Variants in SUSD1 observed in about 807,000 individuals in gnomAD.
SUSD1 encodes sushi domain containing 1.
SUSD1 carries 65 observed loss-of-function variants against 86.9 expected under a neutral mutation model. That is an observed-to-expected ratio of 0.75 (90% CI 0.61 to 0.92). SUSD1 has a LOEUF of 0.92. Among genes scored for constraint, SUSD1 ranks in the 40% least tolerant of loss-of-function variants. The pLI is 0.00. For missense variants in SUSD1, 850 were observed against 929.7 expected (o/e 0.91, Z 1.11); for synonymous variants, 346 against 350.0 (o/e 0.99, Z 0.13).
chr9:112,050,605 G>T (rs913986707), intron 15 of SUSD1, among the ~76,000 whole-genome samples: 1 of 152,164 alleles, frequency 6.6e-6, no homozygotes, highest in Non-Finnish European at 1.5e-5. Context: ...GCTCTGAGGC[G>T]GGGAGAGGAG....
chr9:112,092,056 G>T (rs1181690639), intron 10 of SUSD1, among the ~76,000 whole-genome samples: 2 of 152,150 alleles, frequency 1.3e-5, no homozygotes, highest in Non-Finnish European at 2.9e-5. Flanking sequence ...TTCAATTGGT[G>T]GCACAGAACA....
At chr9:112,121,016 G>C (rs77328544) in intron 6 of SUSD1, among the ~76,000 whole-genome samples, 5,013 of 152,276 alleles carry the variant, frequency 0.033, 298 homozygotes, top group African/African-American at 0.12. Context: ...AACTCTTGGA[G>C]ATGCTTTTGC....
At chr9:112,133,202 G>T (rs1293194288) in intron 5 of SUSD1, among the ~76,000 whole-genome samples, 1 of 152,172 alleles carries the variant, frequency 6.6e-6, no homozygotes, top group Non-Finnish European at 1.5e-5. Flanking sequence ...TTAAGCCCAA[G>T]AATTTGAGGC....
intron 14 of SUSD1, among the ~76,000 whole-genome samples, chr9:112,057,853 G>A (rs1356780497): frequency 6.6e-6 from 1 of 152,098 alleles, no homozygotes; most frequent in Non-Finnish European, 1.5e-5. Flanking sequence ...CCATCACAAT[G>A]GTTCTTCCAG....
chr9:112,047,659 G>C (rs932452064), intron 15 of SUSD1, among the ~76,000 whole-genome samples: 2 of 152,172 alleles, frequency 1.3e-5, no homozygotes, highest in African/African-American at 4.8e-5. Context: ...CCCTCTCTCA[G>C]AGGTGAGTGA....
intron 1 of SUSD1, among the ~76,000 whole-genome samples, chr9:112,169,113 C>T (rs1481184942): frequency 1.0e-4 from 15 of 147,908 alleles, no homozygotes; most frequent in Admixed American, 1.0e-3. Context: ...ACATCCCTGA[C>T]AAAAAAAAAA....
chr9:112,166,373 T>C (rs1355590936), intron 1 of SUSD1, among the ~76,000 whole-genome samples: 2 of 152,206 alleles, frequency 1.3e-5, no homozygotes, highest in Non-Finnish European at 2.9e-5. Context: ...CAGCTGGTCA[T>C]GCTTCCTGGC....
At chr9:112,111,974 AC>A (rs1198877164) in intron 7 of SUSD1, 134 bp from the exon 8 acceptor site, 7 of 855,484 alleles carry the variant, frequency 8.2e-6, no homozygotes, top group African/African-American at 1.7e-5. Context: ...CGTAAGGTAA[AC>A]CTGGTCTGCT....
rs542048492 is a variant in SUSD1 at position 112,171,042 on chromosome 9, A to G, written c.103+4091T>C. ...TATTAAAATAGAAGTCTAACCCACA[A>G]TCTGCAGCAATCATTCCAGGAACTC... On this transcript the variant is annotated intron_variant, in intron 1 of 16. Coordinates refer to ENST00000374270, the MANE Select transcript of SUSD1 (RefSeq NM_022486.5). Among the ~76,000 whole-genome samples, 4 of 152,270 alleles carry G rather than the reference A, an allele frequency of 2.6e-5. No individual in the cohort carries two copies. In the South Asian group the frequency reaches 6.2e-4, roughly 24 times the overall value.
At chr9:112,051,951 T>C (rs1828233647) in intron 15 of SUSD1, among the ~76,000 whole-genome samples, 1 of 152,140 alleles carries the variant, frequency 6.6e-6, no homozygotes, top group Admixed American at 6.5e-5. Context: ...CTAGTAACAG[T>C]GATTCATCCA....
chr9:112,052,379 T>A lies in SUSD1; in HGVS notation c.2149+20A>T. 6.2e-7 allele frequency: 1 copy of A among 1,613,958 alleles called. No individual in the cohort carries two copies. The highest frequency in any genetic ancestry group is 1.7e-5 in the Admixed American group (1 of 60,010). Reference sequence around the variant, plus strand: ...AGAAAAGAAATAAGGACAGCATTCATAGGCAGAAAATAATTTTACCTTTCA... The same window carrying A: ...AGAAAAGAAATAAGGACAGCATTCAAAGGCAGAAAATAATTTTACCTTTCA... On this transcript the variant is annotated intron_variant, in intron 15 of 16. Transcript: ENST00000374270.
At position 112,142,602 on chromosome 9, in the gene SUSD1, C is replaced by T. The variant is rs1031387123; in HGVS notation, c.527-103G>A. ...CCTATTCCTCACACACACACACCCC[C>T]GAGCCATATTTTAAGTACACTGGTT... On this transcript the variant is annotated intron_variant, in intron 4 of 16. Transcript: ENST00000374270. 8 of 1,065,076 alleles carry T rather than the reference C, an allele frequency of 7.5e-6. No homozygotes were observed. In the East Asian group the frequency reaches 8.1e-5, roughly 11 times the overall value. 66.0% of individuals were successfully genotyped at this position (1,065,076 alleles called of 1,614,324 possible).
rs1055018837 is a variant in SUSD1, at chr9:112,158,617, C to T, written c.104-1004G>A. ...ATGTTGTCAAGGCTGGTCTCGAACC[C>T]CTGAGCTTGAGGGATCCACTGGCCT... On this transcript the variant is annotated intron_variant, in intron 1 of 16. Coordinates refer to ENST00000374270, the MANE Select transcript of SUSD1 (RefSeq NM_022486.5). 6.6e-5 allele frequency among the ~76,000 whole-genome samples: 10 copies of T among 152,114 alleles called. No homozygotes were observed. The South Asian group carries it at 8.3e-4, about 13-fold the overall frequency.
At chr9:112,058,806 T>G (rs1055179459) in intron 13 of SUSD1, 120 bp from the exon 14 acceptor site, 5 of 1,308,522 alleles carry the variant, frequency 3.8e-6, no homozygotes, top group African/African-American at 3.2e-5. Flanking sequence ...TGTTTTTTGT[T>G]TTTTTTGAGA....
chr9:112,073,215 G>A (rs2564906), intron 12 of SUSD1, among the ~76,000 whole-genome samples: 18,507 of 152,218 alleles, frequency 0.12, 1,229 homozygotes, highest in East Asian at 0.23. Context: ...TTTCCTAACC[G>A]TCTGAAAAAG....
intron 1 of SUSD1, among the ~76,000 whole-genome samples, chr9:112,165,708 C>T (rs990733768): frequency 2.4e-4 from 37 of 151,606 alleles, no homozygotes; most frequent in Admixed American, 2.1e-3. Context: ...CCACACCTGG[C>T]ATACACTTCA....
At chr9:112,079,015 T>C (rs1188960048) in intron 11 of SUSD1, among the ~76,000 whole-genome samples, 1 of 151,918 alleles carries the variant, frequency 6.6e-6, no homozygotes, top group African/African-American at 2.4e-5. Context: ...GGTTTCGCCA[T>C]GTTGCCCAGG....
chr9:112,051,396 A>T (rs1446926546), intron 15 of SUSD1, among the ~76,000 whole-genome samples: 5 of 141,064 alleles, frequency 3.5e-5, no homozygotes, highest in Non-Finnish European at 7.7e-5. Flanking sequence ...TAAGGGAAGA[A>T]GTTTTTCTTT....
At chr9:112,147,240 C>T (rs981407966) in intron 3 of SUSD1, among the ~76,000 whole-genome samples, 5 of 152,222 alleles carry the variant, frequency 3.3e-5, no homozygotes, top group Non-Finnish European at 5.9e-5. Flanking sequence ...GGCGTGGTGG[C>T]TCACGTCTGT....
Sources: gnomAD v4.1 joint callset for allele counts (sites outside exome capture counted in the v4.1 genomes callset) on GRCh38, gnomAD v4.1.1 for gene constraint, MANE v1.5 for transcripts, NCBI Gene and HGNC (gene_info 2026-07-23, HGNC 2026-07-21) for gene names.